The following ERMP1 variants were observed in gnomAD, a reference collection of about 807,000 sequenced individuals.
ERMP1 encodes the protein endoplasmic reticulum metallopeptidase 1.
A neutral mutation model predicts 92.0 loss-of-function variants in ERMP1; 86 were observed. The ratio of observed to expected loss-of-function variants is 0.93; its 90% confidence interval spans 0.79 to 1.12. The LOEUF (loss-of-function observed/expected upper bound fraction) is 1.12. Ranked by LOEUF, ERMP1 falls within the 50% of genes most tolerant of loss-of-function variation. The probability of loss-of-function intolerance (pLI) is 0.00; values close to 1 mark genes in which losing one functional copy is unlikely to be tolerated. For synonymous variants in ERMP1, 530 were observed against 412.8 expected (o/e 1.28, Z -3.44); for missense variants, 1,342 against 1,116.3 (o/e 1.20, Z -2.88).
intron 5 of ERMP1, among the ~76,000 whole-genome samples, chr9:5,861,384 G>A (rs916013508): frequency 1.3e-5 from 2 of 152,040 alleles, no homozygotes; most frequent in Non-Finnish European, 2.9e-5. Context: ...TCAAGGTACA[G>A]GGTTGAGTTT....
chr9:5,861,051 T>C (rs1428356235), intron 5 of ERMP1, among the ~76,000 whole-genome samples: 1 of 152,128 alleles, frequency 6.6e-6, no homozygotes, highest in African/African-American at 2.4e-5. Context: ...TTTCCCAGTC[T>C]GTGGTATTCT....
chr9:5,861,017 C>T (rs182013347), intron 5 of ERMP1, among the ~76,000 whole-genome samples: 1 of 152,146 alleles, frequency 6.6e-6, no homozygotes, highest in Non-Finnish European at 1.5e-5. Flanking sequence ...GTACTATGAG[C>T]CCATACATTT....
intron 5 of ERMP1, among the ~76,000 whole-genome samples, chr9:5,866,065 T>G (rs1173426421): frequency 6.6e-6 from 1 of 152,162 alleles, no homozygotes; most frequent in South Asian, 2.1e-4. Context: ...GTGAACACTT[T>G]ATCATTATGT....
upstream of ERMP1, among the ~76,000 whole-genome samples, chr9:5,837,788 G>A (rs1830111865): frequency 6.6e-6 from 1 of 152,164 alleles, no homozygotes; most frequent in African/African-American, 2.4e-5. Context: ...GTGAAAATGT[G>A]GACCATTTTT....
chr9:5,824,320 T>C (rs1829653749), intron 3 of ERMP1, among the ~76,000 whole-genome samples: 1 of 152,096 alleles, frequency 6.6e-6, no homozygotes, highest in Admixed American at 6.5e-5. Context: ...ACACCTGTAA[T>C]CCCAAAACTT....
At chr9:5,807,502 T>C (rs1234320755) in intron 8 of ERMP1, among the ~76,000 whole-genome samples, 2 of 152,074 alleles carry the variant, frequency 1.3e-5, no homozygotes, top group African/African-American at 2.4e-5. Context: ...TCCCAACACT[T>C]TGGGAGGCCG....
At chr9:5,827,457 C>G (rs1030354772) in intron 2 of ERMP1, among the ~76,000 whole-genome samples, 4 of 152,198 alleles carry the variant, frequency 2.6e-5, no homozygotes, top group African/African-American at 9.7e-5. Context: ...GCAGGTTGGA[C>G]AAGCTTAATC....
chr9:5,788,407 A>T (rs1828029123), intron 13 of ERMP1, among the ~76,000 whole-genome samples: 1 of 152,210 alleles, frequency 6.6e-6, no homozygotes, highest in Non-Finnish European at 1.5e-5. Flanking sequence ...AAAGCTTCTC[A>T]GGGAAAAATA....
intron 8 of ERMP1, among the ~76,000 whole-genome samples, chr9:5,806,873 G>T (rs958486225): frequency 6.6e-6 from 1 of 152,148 alleles, no homozygotes; most frequent in Non-Finnish European, 1.5e-5. Context: ...CCTTCTTCAA[G>T]GGCTCAAGAG....
In ERMP1 at chr9:5,801,288, A is replaced by C; in HGVS notation, c.1955T>G (p.Met652Arg). ...TGCACATACCAAAGTTAAAGTTAGC[A>C]TGGTTTTTTTTGTGCTCTTGGCAAG... ...IYLAKSTKKT[M>R]LTLTLVCAIT... is the part of the protein sequence containing the mutation. The change falls in exon 11 of 15, where the codon ATG becomes AGG. Residue 652 changes from methionine (M) to arginine (R), a missense_variant. By Grantham distance (91) the Met-to-Arg change is moderately conservative. Transcript: ENST00000339450. The C allele has an allele frequency of 6.2e-7, 1 of 1,613,548 alleles. No homozygotes were observed. The highest frequency in any genetic ancestry group is 8.5e-7 in the Non-Finnish European group (1 of 1,179,764).
Position 5,812,889 on chromosome 9 carries a change from C to G in ERMP1, c.1021G>C (p.Gly341Arg). 2 of 1,613,874 alleles carry G rather than the reference C, an allele frequency of 1.2e-6. No individual in the cohort carries two copies. The highest frequency in any genetic ancestry group is 1.7e-6 in the Non-Finnish European group (2 of 1,179,848). Residue 341 changes from glycine (G) to arginine (R), a missense_variant and splice_region_variant, in exon 5 of 15, where the codon GGA (glycine) becomes CGA (arginine). Transcript: ENST00000339450. ...TAGGCCGTAACCATTGACAATATACCTGGAATGTTCCCAAAATCCCTGTAG... is the reference window on the plus strand; with the variant it reads ...TAGGCCGTAACCATTGACAATATACGTGGAATGTTCCCAAAATCCCTGTAG... The part of the protein sequence containing the change: ...RIYRDFGNIP[G>R]IDLAFIENGY...
At chr9:5,787,927 A>C (rs978988339) in intron 13 of ERMP1, among the ~76,000 whole-genome samples, 1 of 152,224 alleles carries the variant, frequency 6.6e-6, no homozygotes. Context: ...AGTGTTGGCA[A>C]AACTGCGAAG....
At chr9:5,822,066 C>T (rs538781667) in intron 4 of ERMP1, among the ~76,000 whole-genome samples, 5 of 151,988 alleles carry the variant, frequency 3.3e-5, no homozygotes, top group African/African-American at 1.2e-4. Flanking sequence ...CCAGCCTGGG[C>T]AACATGGCCA....
chr9:5,835,429 G>C (rs1830081992), upstream of ERMP1, among the ~76,000 whole-genome samples: 1 of 152,196 alleles, frequency 6.6e-6, no homozygotes, highest in African/African-American at 2.4e-5. Flanking sequence ...GGGAAATTGA[G>C]ACTGACAAAA....
At position 5,816,968 on chromosome 9, in the gene ERMP1, G is replaced by A. The variant is rs534684305; in HGVS notation, c.875-3933C>T. Among the ~76,000 whole-genome samples, 5 of 144,196 alleles carry A rather than the reference G, an allele frequency of 3.5e-5. No homozygotes were observed. In the South Asian group the frequency reaches 1.1e-3, roughly 32 times the overall value. The allele number at this position is 144,196 out of a possible 152,430, so 94.6% of individuals were successfully genotyped here. A position where few individuals can be genotyped will look rare whatever the true frequency, so the allele number is the denominator to read the frequency against. ...GGCTGGAGTACAGCACCTCAATCTT[G>A]GCTCACTGCAAGCTCTGCCTCCCGG... On this transcript the variant is annotated intron_variant, in intron 4 of 14. Coordinates refer to ENST00000339450, the MANE Select transcript of ERMP1 (RefSeq NM_024896.3).
chr9:5,808,626 C>T (rs529438301), intron 8 of ERMP1, among the ~76,000 whole-genome samples: 7 of 151,980 alleles, frequency 4.6e-5, no homozygotes, highest in African/African-American at 1.7e-4. Flanking sequence ...AAACAGTAGG[C>T]TTACATGGAG....
At chr9:5,835,946 C>T (rs533657884), upstream of ERMP1, among the ~76,000 whole-genome samples, 100 of 152,272 alleles carry the variant, frequency 6.6e-4, no homozygotes, top group African/African-American at 2.3e-3. Flanking sequence ...TATCAAATCC[C>T]TGATAAGGAT....
intron 6 of ERMP1, among the ~76,000 whole-genome samples, chr9:5,858,909 T>C (rs1169185977): frequency 6.6e-6 from 1 of 152,204 alleles, no homozygotes; most frequent in Non-Finnish European, 1.5e-5. Flanking sequence ...CAGTGGTTCC[T>C]TCCCCTCACT....
Position 5,805,037 on chromosome 9 carries a change from G to A in ERMP1, c.1904C>T (p.Ser635Leu), listed in dbSNP as rs763187395. Residue 635 changes from serine to leucine, a missense_variant, in exon 10 of 15, where the codon TCG becomes TTG. Ser to Leu is a moderately radical substitution (Grantham distance 145). Coordinates refer to ENST00000339450, the MANE Select transcript of ERMP1 (RefSeq NM_024896.3). ...CTTATTTTCTCTTACAAAATAGGAC[G>A]AGAGAATCATTGTACAGCCAGCCAA... The part of the protein sequence containing the change: ...SILAGCTMIL[S>L]SYFINFIYLA... 42 of 1,604,030 alleles carry A rather than the reference G, an allele frequency of 2.6e-5. No individual in the cohort carries two copies. The highest frequency in any genetic ancestry group is 3.4e-5 in the South Asian group (3 of 88,696).
Sources: gnomAD v4.1 joint callset for allele counts (sites outside exome capture counted in the v4.1 genomes callset) on GRCh38, gnomAD v4.1.1 for gene constraint, MANE v1.5 for transcripts, NCBI Gene and HGNC (gene_info 2026-07-23, HGNC 2026-07-21) for gene names.